Variants in NCR1 observed in about 807,000 individuals in gnomAD.
NCR1 encodes natural cytotoxicity triggering receptor 1.
In NCR1, 30 loss-of-function variants were observed where a neutral mutation model predicts 32.5. That is an observed-to-expected ratio of 0.92 (90% CI 0.69 to 1.25). The LOEUF (loss-of-function observed/expected upper bound fraction) is 1.25. Ranked by LOEUF, NCR1 falls within the 50% of genes most tolerant of loss-of-function variation. The probability of loss-of-function intolerance (pLI) is 0.00; values close to 1 mark genes in which losing one functional copy is unlikely to be tolerated. For synonymous variants in NCR1, 169 were observed against 143.4 expected, an observed-to-expected ratio of 1.18 and a Z score of -1.28; for missense variants, 369 against 380.7, an observed-to-expected ratio of 0.97 and a Z score of 0.26.
downstream of NCR1, chr19:54,916,048 G>A (rs1323763649): frequency 1.3e-5 from 2 of 149,750 alleles, no homozygotes; most frequent in East Asian, 2.0e-4. Flanking sequence ...AAAGTACAGC[G>A]AGCTGATGCC....
chr19:54,923,090 G>C, the NCR1 span, among the ~76,000 whole-genome samples: 75,621 of 151,990 alleles, frequency 0.5, 19,134 homozygotes, highest in South Asian at 0.59. Flanking sequence ...CTGTAAGCTT[G>C]TGCTTTGTGA....
At chr19:54,912,042 T>A (rs2068001516) in intron 5 of NCR1, 126 bp from the exon 6 acceptor site, 1 of 801,486 alleles carries the variant, frequency 1.2e-6, no homozygotes, top group Non-Finnish European at 2.2e-6. Context: ...ATGAAGCTCC[T>A]GGGACCCGCA....
chr19:54,919,694 A>G (rs2068205130), downstream of NCR1, among the ~76,000 whole-genome samples: 1 of 137,324 alleles, frequency 7.3e-6, no homozygotes, highest in Non-Finnish European at 1.6e-5. Context: ...TCTTCTCTAA[A>G]CTCCCCCGGG....
Position 54,912,599 on chromosome 19 carries a change from C to CAA in NCR1, c.734-53_734-52dup, listed in dbSNP as rs60025694. The CAA allele has an allele frequency of 1.9e-4, 70 of 375,288 alleles. 1 individual carries two copies. Among genetic ancestry groups the CAA allele is most frequent in the South Asian group, 3.9e-4 (12 of 31,038 alleles). The allele number at this position is 375,288 out of a possible 1,614,324, so 23.2% of individuals were successfully genotyped here. A position where few individuals can be genotyped will look rare whatever the true frequency, so the allele number is the denominator to read the frequency against. On this transcript the variant is annotated intron_variant, in intron 6 of 6. Coordinates refer to ENST00000291890, the MANE Select transcript of NCR1 (RefSeq NM_004829.7). ...GGGCGACAAGACTGAGGCTCTGTCTCAAAAAAAAAAAAAAAAAAAAAAAAA... is the reference window on the plus strand; with the variant it reads ...GGGCGACAAGACTGAGGCTCTGTCTCAAAAAAAAAAAAAAAAAAAAAAAAAAA...
the NCR1 span, among the ~76,000 whole-genome samples, chr19:54,934,059 T>C: frequency 6.6e-6 from 1 of 152,172 alleles, no homozygotes; most frequent in Non-Finnish European, 1.5e-5. This position sits in a 1 kb window ranked among gnomAD's most constrained non-coding sequence, Gnocchi z 6.7. Context: ...TTCTGCTGAC[T>C]CAGCCTCCTG....
chr19:54,921,234 G>A, the NCR1 span, among the ~76,000 whole-genome samples: 3 of 151,900 alleles, frequency 2.0e-5, no homozygotes, highest in East Asian at 1.9e-4. Context: ...CTTTATTCAC[G>A]CTGTCTCTAC....
At chr19:54,927,668 T>A in the NCR1 span, 4 of 1,614,170 alleles carry the variant, frequency 2.5e-6, no homozygotes, top group Non-Finnish European at 3.4e-6. Context: ...TATGCCACTC[T>A]TCCACAAATG....
the NCR1 span, chr19:54,936,359 C>T: frequency 5.6e-6 from 9 of 1,613,880 alleles, no homozygotes; most frequent in East Asian, 2.2e-5. Flanking sequence ...GGGTCAGGTG[C>T]GTGAGGGTCT....
At chr19:54,913,309 C>G (rs1569537728), downstream of NCR1, among the ~76,000 whole-genome samples, 1 of 152,158 alleles carries the variant, frequency 6.6e-6, no homozygotes, top group Admixed American at 6.5e-5. Context: ...CCGCCTTGGC[C>G]TCCCAAAGGG....
the NCR1 span, chr19:54,936,467 T>C: frequency 1.9e-6 from 3 of 1,551,312 alleles, no homozygotes; most frequent in Admixed American, 1.7e-5. Flanking sequence ...CTTGGAGTGA[T>C]TAATACTCAC....
chr19:54,928,664 T>C, the NCR1 span, among the ~76,000 whole-genome samples: 1 of 152,088 alleles, frequency 6.6e-6, no homozygotes, highest in Non-Finnish European at 1.5e-5. Context: ...TGAAGGATGG[T>C]AGATCATGAA....
the NCR1 span, among the ~76,000 whole-genome samples, chr19:54,899,008 G>T: frequency 6.6e-6 from 1 of 152,098 alleles, no homozygotes; most frequent in African/African-American, 2.4e-5. Flanking sequence ...TGTAGAAAAG[G>T]AAGATTAGAA....
the NCR1 span, among the ~76,000 whole-genome samples, chr19:54,929,585 C>T: frequency 6.6e-6 from 1 of 152,032 alleles, no homozygotes; most frequent in Non-Finnish European, 1.5e-5. Flanking sequence ...GGGGTGGTAT[C>T]CCACCTATGG....
At chr19:54,933,836 C>T in the NCR1 span, 1 of 1,058,596 alleles carries the variant, frequency 9.4e-7, no homozygotes, top group East Asian at 2.4e-5. Context: ...CAGCTTCAGC[C>T]CTTCCTGTTC....
chr19:54,933,111 T>C, the NCR1 span, among the ~76,000 whole-genome samples: 1 of 152,042 alleles, frequency 6.6e-6, no homozygotes, highest in Admixed American at 6.6e-5. Flanking sequence ...CATGCAAATA[T>C]TAACATGTTT....
the NCR1 span, chr19:54,936,199 C>T: frequency 2.1e-6 from 3 of 1,460,092 alleles, no homozygotes; most frequent in Non-Finnish European, 2.9e-6. Context: ...TTTCCTAGAT[C>T]CCCCAGCAAC....
chr19:54,930,725 C>T, the NCR1 span: 1 of 1,424,484 alleles, frequency 7.0e-7, no homozygotes, highest in Non-Finnish European at 9.9e-7. Flanking sequence ...CCCTGTGAAG[C>T]AGTTATTTCC....
the NCR1 span, among the ~76,000 whole-genome samples, chr19:54,935,731 A>G: frequency 1.3e-5 from 2 of 151,878 alleles, no homozygotes; most frequent in African/African-American, 4.8e-5. Context: ...TTGAGTGCAG[A>G]GAAGGTTGCA....
the NCR1 span, among the ~76,000 whole-genome samples, chr19:54,899,851 G>T: frequency 6.6e-6 from 1 of 152,116 alleles, no homozygotes; most frequent in Non-Finnish European, 1.5e-5. Context: ...CCAAGGGAAG[G>T]CTGCCTTCCC....
Sources: gnomAD v4.1 joint callset for allele counts (sites outside exome capture counted in the v4.1 genomes callset) on GRCh38, gnomAD v4.1.1 for gene constraint, Gnocchi (gnomAD v3.1) non-coding constraint, MANE v1.5 for transcripts, NCBI Gene and HGNC (gene_info 2026-07-23, HGNC 2026-07-21) for gene names.